TRMT11: variants seen among roughly 807,000 people sequenced by gnomAD.
TRMT11 encodes tRNA methyltransferase 11, also known as tRNA (guanine(10)-N(2))-methyltransferase TRMT11.
A neutral mutation model predicts 62.8 loss-of-function variants in TRMT11; 53 were observed. That is an observed-to-expected ratio of 0.84 (90% CI 0.68 to 1.06). The LOEUF (loss-of-function observed/expected upper bound fraction) is 1.06, where lower values mean the gene tolerates loss of function less well. Ranked by LOEUF, TRMT11 falls within the 50% of genes least tolerant of loss-of-function variation. TRMT11 has a pLI of 0.00. For synonymous variants in TRMT11, 188 were observed against 190.3 expected (o/e 0.99, Z 0.10); for missense variants, 556 against 553.4 (o/e 1.00, Z -0.05).
the TRMT11 span, among the ~76,000 whole-genome samples, chr6:126,266,583 G>T: frequency 4.9e-4 from 75 of 152,152 alleles, 1 homozygote; most frequent in Non-Finnish European, 9.0e-4. Flanking sequence ...TTGCATTGGG[G>T]TTCCTTTTTA....
At chr6:126,184,542 A>G (rs1443528057) in intron 1 of TRMT11, among the ~76,000 whole-genome samples, 1 of 152,198 alleles carries the variant, frequency 6.6e-6, no homozygotes, top group Admixed American at 6.5e-5. Flanking sequence ...CAAATCACAC[A>G]ACCAATATGG....
chr6:126,001,496 A>G (rs1403447095), intron 7 of TRMT11, among the ~76,000 whole-genome samples: 3 of 152,100 alleles, frequency 2.0e-5, no homozygotes, highest in African/African-American at 7.2e-5. Context: ...GGGTGTGTAC[A>G]TGATGGCCTT....
Position 126,102,882 on chromosome 6 carries a change from T to C in TRMT11, c.*1438-9984T>C, listed in dbSNP as rs550105760. Reference sequence around the variant, plus strand: ...CTGAGGATGATACCATTACTTTTCCTGTATTACAGCAGAGGGAACTGAGGT... The same window carrying C: ...CTGAGGATGATACCATTACTTTTCCCGTATTACAGCAGAGGGAACTGAGGT... On this transcript the variant is annotated intron_variant and NMD_transcript_variant, in intron 17 of 22. Coordinates refer to the TRMT11 transcript ENST00000648977. Among the ~76,000 whole-genome samples the C allele has an allele frequency of 3.5e-4, 53 of 152,352 alleles. No individual in the cohort carries two copies. The South Asian group carries it at 9.5e-3, about 27-fold the overall frequency.
At chr6:126,019,417 G>A (rs1562272825) in intron 11 of TRMT11, among the ~76,000 whole-genome samples, 1 of 152,060 alleles carries the variant, frequency 6.6e-6, no homozygotes, top group African/African-American at 2.4e-5. Flanking sequence ...AATTGTGTTG[G>A]TACCTTGGAT....
chr6:126,181,965 A>G (rs1778471764), intron 1 of TRMT11, among the ~76,000 whole-genome samples: 1 of 152,216 alleles, frequency 6.6e-6, no homozygotes, highest in South Asian at 2.1e-4. Flanking sequence ...TTTCAAGATA[A>G]AACTCCTTGG....
At chr6:126,039,452 T>C (rs963274687), downstream of TRMT11, among the ~76,000 whole-genome samples, 13 of 152,068 alleles carry the variant, frequency 8.5e-5, no homozygotes, top group Middle Eastern at 3.2e-3. Context: ...GAAGCTCTTT[T>C]GTACCTTGGA....
chr6:126,164,423 A>G (rs1219528263), intron 21 of TRMT11, among the ~76,000 whole-genome samples: 2 of 152,168 alleles, frequency 1.3e-5, no homozygotes, highest in African/African-American at 2.4e-5. Flanking sequence ...AATAAGTGCT[A>G]TGTGGTGCTG....
At chr6:126,122,452 A>T (rs922344117) in intron 21 of TRMT11, among the ~76,000 whole-genome samples, 1 of 152,144 alleles carries the variant, frequency 6.6e-6, no homozygotes. Flanking sequence ...TTTTCCCAAA[A>T]GCCAGCCATA....
At chr6:126,202,558 G>A (rs1778746739), downstream of TRMT11, among the ~76,000 whole-genome samples, 1 of 152,092 alleles carries the variant, frequency 6.6e-6, no homozygotes, top group African/African-American at 2.4e-5. Flanking sequence ...AAAAGGGAGA[G>A]ATTGAATATA....
the TRMT11 span, among the ~76,000 whole-genome samples, chr6:126,271,363 CAAA>C: frequency 8.3e-5 from 3 of 36,266 alleles, no homozygotes; most frequent in African/African-American, 2.1e-4. Context: ...GACTCCATCT[CAAA>C]AAAAAAAAAA....
chr6:125,992,192 G>A (rs1790737246), intron 1 of TRMT11, among the ~76,000 whole-genome samples: 1 of 152,160 alleles, frequency 6.6e-6, no homozygotes, highest in Non-Finnish European at 1.5e-5. Context: ...TTAGGTGGCT[G>A]CTTAAGCTTT....
chr6:126,145,905 A>C (rs934004656), intron 21 of TRMT11, among the ~76,000 whole-genome samples: 10 of 152,204 alleles, frequency 6.6e-5, no homozygotes, highest in African/African-American at 2.4e-4. Context: ...TGATATTTTA[A>C]AAATAAATCT....
Position 125,999,550 on chromosome 6 carries a change from A to T in TRMT11, c.616A>T (p.Ile206Phe). ...NTSMDAGLSF[I>F]MANHGKVKEN... The stretch of plus-strand genomic sequence containing the variant: ...AAGTATGGATGCTGGTTTGTCATTC[A>T]TTATGGCTAACCATGGAAAAGTGAA... Residue 206 changes from isoleucine (I) to phenylalanine (F), a missense_variant, in exon 7 of 13, where the codon ATT becomes TTT. Transcript: ENST00000334379. 1 of 1,612,392 alleles carries T rather than the reference A, an allele frequency of 6.2e-7. No homozygotes were observed. Among genetic ancestry groups the T allele is most frequent in the Non-Finnish European group, 8.5e-7 (1 of 1,178,872 alleles).
Position 126,122,781 on chromosome 6 carries a change from A to G in TRMT11, c.*1823+6926A>G, listed in dbSNP as rs552365462. ...GTTTTAATTATGAAGGCTCTCATGTATACACATTAGATAAATTTATATGCC... is the reference window on the plus strand; with the variant it reads ...GTTTTAATTATGAAGGCTCTCATGTGTACACATTAGATAAATTTATATGCC... On this transcript the variant is annotated intron_variant and NMD_transcript_variant, in intron 21 of 22. Coordinates refer to the TRMT11 transcript ENST00000648977. 2.0e-5 allele frequency among the ~76,000 whole-genome samples: 3 copies of G among 152,232 alleles called. No homozygotes were observed. The South Asian group carries it at 6.2e-4, about 32-fold the overall frequency.
intron 7 of TRMT11, among the ~76,000 whole-genome samples, chr6:126,001,392 T>A (rs1207169275): frequency 6.6e-6 from 1 of 152,102 alleles, no homozygotes; most frequent in Non-Finnish European, 1.5e-5. Flanking sequence ...AATTTTTTCC[T>A]CATTTTGGGT....
At chr6:126,127,009 A>G (rs1280113068) in intron 21 of TRMT11, among the ~76,000 whole-genome samples, 1 of 152,122 alleles carries the variant, frequency 6.6e-6, no homozygotes, top group African/African-American at 2.4e-5. Context: ...TCTTCAAGAG[A>G]TATACACTCA....
chr6:126,007,797 A>T (rs1569738), intron 7 of TRMT11, among the ~76,000 whole-genome samples: 1 of 151,760 alleles, frequency 6.6e-6, no homozygotes, highest in East Asian at 1.9e-4. Flanking sequence ...GTTTGATAAT[A>T]GTTACTCAGA....
chr6:126,066,014 A>G (rs1230881893), intron 17 of TRMT11, among the ~76,000 whole-genome samples: 1 of 152,236 alleles, frequency 6.6e-6, no homozygotes, highest in Non-Finnish European at 1.5e-5. Context: ...AGCTATTTAC[A>G]TTTGCATGGG....
the TRMT11 span, among the ~76,000 whole-genome samples, chr6:126,218,038 G>C: frequency 2.6e-5 from 4 of 152,228 alleles, no homozygotes; most frequent in Non-Finnish European, 5.9e-5. Context: ...CAGTGCCCAA[G>C]GCCTGCAGTG....
Sources: gnomAD v4.1 joint callset for allele counts (sites outside exome capture counted in the v4.1 genomes callset) on GRCh38, gnomAD v4.1.1 for gene constraint, MANE v1.5 for transcripts, NCBI Gene and HGNC (gene_info 2026-07-23, HGNC 2026-07-21) for gene names.